Variants in USP43 observed in about 807,000 individuals in gnomAD.
The protein encoded by USP43 is ubiquitin carboxyl-terminal hydrolase 43.
In USP43, 33 loss-of-function variants were observed where a neutral mutation model predicts 90.7. That is an observed-to-expected ratio of 0.36 (90% CI 0.28 to 0.49). The LOEUF (loss-of-function observed/expected upper bound fraction) is 0.49, where lower values mean the gene tolerates loss of function less well. USP43 is among the 20% of genes least tolerant of loss of function. The pLI is 0.98. For missense variants in USP43, 1,274 were observed against 1,476.4 expected (o/e 0.86, Z 2.25); for synonymous variants, 598 against 615.8 (o/e 0.97, Z 0.43).
At chr17:9,703,785 G>C (rs1201011093) in intron 12 of USP43, among the ~76,000 whole-genome samples, 2 of 152,164 alleles carry the variant, frequency 1.3e-5, no homozygotes, top group Admixed American at 1.3e-4. Flanking sequence ...TCAAACCTGG[G>C]CCACCCTGGC....
Position 9,701,703 on chromosome 17 carries a change from G to A in USP43, c.2011+3G>A. The A allele has an allele frequency of 6.5e-7, 1 of 1,533,202 alleles. No homozygotes were observed. The highest frequency in any genetic ancestry group is 8.8e-7 in the Non-Finnish European group (1 of 1,136,276). The allele number at this position is 1,533,202 out of a possible 1,614,324, so 95.0% of individuals were successfully genotyped here. A position where few individuals can be genotyped will look rare whatever the true frequency, so the allele number is the denominator to read the frequency against. On this transcript the variant is annotated splice_donor_region_variant and intron_variant, in intron 12 of 14. Transcript: ENST00000285199. This position sits in a 1 kb window ranked among gnomAD's most constrained non-coding sequence, Gnocchi z 7.2. ...CCTGCAAGGTGGGCATTACACAGGT[G>A]AGCCTTGCCTTGCCTTTCTGCAAAT...
At chr17:9,700,757 C>T (rs374329005) in intron 10 of USP43, among the ~76,000 whole-genome samples, 4 of 152,184 alleles carry the variant, frequency 2.6e-5, no homozygotes, top group African/African-American at 7.2e-5. Context: ...TGCTCCTCAT[C>T]ACCATACTTG....
intron 9 of USP43, among the ~76,000 whole-genome samples, chr17:9,698,332 T>G (rs1915389467): frequency 6.6e-6 from 1 of 152,222 alleles, no homozygotes; most frequent in African/African-American, 2.4e-5. Flanking sequence ...TTAGTTTAAT[T>G]AAGTCCCATT....
chr17:9,718,790 A>G (rs1916758790), intron 14 of USP43, among the ~76,000 whole-genome samples: 1 of 151,892 alleles, frequency 6.6e-6, no homozygotes, highest in Non-Finnish European at 1.5e-5. Context: ...TGGTGAGCTG[A>G]GATCGTGCCA....
chr17:9,673,613 A>G (rs927613735), intron 3 of USP43, among the ~76,000 whole-genome samples: 1 of 152,214 alleles, frequency 6.6e-6, no homozygotes. Context: ...AACATTATAT[A>G]TATCTACTCT....
At chr17:9,723,205 C>T (rs767410505) in intron 14 of USP43, among the ~76,000 whole-genome samples, 7 of 152,170 alleles carry the variant, frequency 4.6e-5, no homozygotes, top group Non-Finnish European at 7.4e-5. Context: ...TTTTTGTTTA[C>T]AGGAGAGTCA....
At chr17:9,700,733 C>T (rs1333586790) in intron 10 of USP43, among the ~76,000 whole-genome samples, 1 of 152,200 alleles carries the variant, frequency 6.6e-6, no homozygotes, top group African/African-American at 2.4e-5. Flanking sequence ...CCCAGACCCT[C>T]TGACTGGAGT....
chr17:9,675,279 G>A (rs1001194506), intron 4 of USP43, among the ~76,000 whole-genome samples: 2 of 152,164 alleles, frequency 1.3e-5, no homozygotes, highest in Admixed American at 1.3e-4. Flanking sequence ...AGTGAGACAG[G>A]GGCAAACTAG....
chr17:9,662,571 T>C (rs766595240), intron 2 of USP43, among the ~76,000 whole-genome samples: 5 of 152,176 alleles, frequency 3.3e-5, no homozygotes, highest in Admixed American at 6.5e-5. Context: ...CCTTTTCATC[T>C]TCATGTCTCC....
At chr17:9,695,077 C>T (rs1390223623) in intron 9 of USP43, among the ~76,000 whole-genome samples, 1 of 151,996 alleles carries the variant, frequency 6.6e-6, no homozygotes, top group African/African-American at 2.4e-5. Flanking sequence ...GAGGTCACAC[C>T]CCTCCTGGCC....
intron 14 of USP43, among the ~76,000 whole-genome samples, chr17:9,717,871 A>G (rs1172381659): frequency 6.7e-6 from 1 of 150,326 alleles, no homozygotes; most frequent in Non-Finnish European, 1.5e-5. Flanking sequence ...ATCTCAGCTC[A>G]CTGCAACCTC....
intron 1 of USP43, among the ~76,000 whole-genome samples, chr17:9,655,084 G>GAAAAAAAAAAAAAAAA (rs57985388): frequency 5.4e-5 from 2 of 37,326 alleles, no homozygotes; most frequent in African/African-American, 1.3e-4. Flanking sequence ...AGAAAGAAAG[G>GAAAAAAAAAAAAAAAA]AAAAAAAAAA....
intron 1 of USP43, among the ~76,000 whole-genome samples, chr17:9,655,101 A>AT (rs1912146540): frequency 6.8e-6 from 1 of 147,400 alleles, no homozygotes; most frequent in Admixed American, 6.7e-5. Context: ...AAAAAAAAAA[A>AT]AAAAAAAAAG....
Position 9,727,525 on chromosome 17 carries a change from C to A in USP43, c.2336-429C>A, listed in dbSNP as rs1917335885. 2.6e-5 allele frequency among the ~76,000 whole-genome samples: 4 copies of A among 151,460 alleles called. No homozygotes were observed. In the South Asian group the frequency reaches 8.3e-4, roughly 31 times the overall value. ...TCCATTTTTTTTTTCTTTTTTAGCC[C>A]AGGGTAGGATATCTGAGATTCTTGC... On this transcript the variant is annotated intron_variant, in intron 14 of 14. Coordinates refer to ENST00000285199, the MANE Select transcript of USP43 (RefSeq NM_153210.5).
At chr17:9,721,182 C>A (rs910655343) in intron 14 of USP43, among the ~76,000 whole-genome samples, 1 of 152,174 alleles carries the variant, frequency 6.6e-6, no homozygotes, top group African/African-American at 2.4e-5. Flanking sequence ...CCAGAGACCC[C>A]TTGGTAATAA....
chr17:9,712,264 C>T, intron 14 of USP43, 132 bp downstream of exon 14: 1 of 1,148,386 alleles, frequency 8.7e-7, no homozygotes. Flanking sequence ...TTGTTCATCT[C>T]TTAAATGGGG....
chr17:9,718,893 A>G (rs1916766948), intron 14 of USP43, among the ~76,000 whole-genome samples: 1 of 151,400 alleles, frequency 6.6e-6, no homozygotes, highest in Non-Finnish European at 1.5e-5. Context: ...ATACTATTTC[A>G]TGCAGTATGT....
intron 14 of USP43, among the ~76,000 whole-genome samples, chr17:9,727,332 A>G (rs1272807520): frequency 1.3e-5 from 2 of 152,108 alleles, no homozygotes; most frequent in Non-Finnish European, 2.9e-5. Flanking sequence ...AAAATCCATC[A>G]CAAACAGCAC....
At chr17:9,660,161 T>C (rs780635592) in intron 2 of USP43, among the ~76,000 whole-genome samples, 17 of 151,994 alleles carry the variant, frequency 1.1e-4, no homozygotes, top group African/African-American at 3.6e-4. Context: ...GCAATAATTC[T>C]TTTTTTTGAG....
Sources: allele counts gnomAD v4.1 joint callset (sites outside exome capture counted in the v4.1 genomes callset), GRCh38; gene constraint gnomAD v4.1.1; non-coding constraint Gnocchi (gnomAD v3.1); transcripts MANE v1.5; gene names NCBI Gene and HGNC (gene_info 2026-07-23, HGNC 2026-07-21).